WWP2: variants seen among roughly 807,000 people sequenced by gnomAD.
The protein encoded by WWP2 is NEDD4-like E3 ubiquitin-protein ligase WWP2.
WWP2 carries 57 observed loss-of-function variants against 121.0 expected under a neutral mutation model. The observed-to-expected ratio is 0.47, with a 90% CI of 0.38 to 0.59. The LOEUF (loss-of-function observed/expected upper bound fraction) is 0.59, where lower values mean the gene tolerates loss of function less well. WWP2 is among the 20% of genes least tolerant of loss of function. The pLI, the probability that WWP2 is intolerant of heterozygous loss-of-function variation, is 0.00. For synonymous variants in WWP2, 449 were observed against 441.3 expected (o/e 1.02, Z -0.22); for missense variants, 962 against 1,158.9 (o/e 0.83, Z 2.47).
chr16:69,787,505 G>A lies in WWP2; in HGVS notation c.70+425G>A, dbSNP rs1294810382. ...CTAAGGACACTGAAGTGGGAGGATC[G>A]CTTGAGCCTGGGAGTTCAAGGCTGC... On this transcript the variant is annotated intron_variant, in intron 2 of 23. Coordinates refer to ENST00000359154, the MANE Select transcript of WWP2 (RefSeq NM_001270454.2). Among the ~76,000 whole-genome samples the A allele has an allele frequency of 5.9e-5, 9 of 152,146 alleles. No homozygotes were observed. In the South Asian group the frequency reaches 1.2e-3, roughly 21 times the overall value.
intron 4 of WWP2, among the ~76,000 whole-genome samples, chr16:69,805,549 C>G (rs888743593): frequency 6.6e-6 from 1 of 151,574 alleles, no homozygotes; most frequent in East Asian, 1.9e-4. Flanking sequence ...TTTTTGGCAC[C>G]TTTCTGACTG....
At chr16:69,917,291 G>A (rs1382511785) in intron 9 of WWP2, among the ~76,000 whole-genome samples, 3 of 152,164 alleles carry the variant, frequency 2.0e-5, no homozygotes, top group African/African-American at 4.8e-5. Context: ...TATTGTCTTC[G>A]GGTCCAAAAT....
At chr16:69,816,543 T>TA (rs975021469) in intron 4 of WWP2, among the ~76,000 whole-genome samples, 2 of 150,236 alleles carry the variant, frequency 1.3e-5, no homozygotes, top group African/African-American at 4.9e-5. Context: ...AAATAAAAAG[T>TA]AAAAAAAGCA....
At chr16:69,854,572 A>G (rs2057275595) in intron 6 of WWP2, among the ~76,000 whole-genome samples, 1 of 150,896 alleles carries the variant, frequency 6.6e-6, no homozygotes, top group South Asian at 2.1e-4. Flanking sequence ...TATTTTTGAG[A>G]TGGAATCTTG....
intron 2 of WWP2, among the ~76,000 whole-genome samples, chr16:69,791,660 AG>A (rs1391717439): frequency 1.2e-4 from 19 of 152,310 alleles, no homozygotes; most frequent in African/African-American, 4.6e-4. Context: ...CTAGGACTTT[AG>A]GCATACACTA....
intron 9 of WWP2, among the ~76,000 whole-genome samples, chr16:69,916,733 A>G (rs1157092331): frequency 2.6e-5 from 4 of 152,158 alleles, no homozygotes; most frequent in South Asian, 2.1e-4. Flanking sequence ...GTGGCATTCA[A>G]TTGAATGAAG....
chr16:69,930,076 C>G, intron 12 of WWP2, 54 bp from the exon 13 acceptor site: 3 of 1,610,282 alleles, frequency 1.9e-6, no homozygotes, highest in Non-Finnish European at 1.7e-6. Flanking sequence ...CCTCCAACCA[C>G]CAAGGTCCAG....
intron 6 of WWP2, among the ~76,000 whole-genome samples, chr16:69,853,270 A>T (rs2057251804): frequency 6.6e-6 from 1 of 152,180 alleles, no homozygotes; most frequent in African/African-American, 2.4e-5. Context: ...ATGCAATAGG[A>T]GTGAGGGGTC....
At position 69,849,258 on chromosome 16, in the gene WWP2, T is replaced by C. The variant is rs1432483430; in HGVS notation, c.575+7138T>C. 2.0e-5 allele frequency among the ~76,000 whole-genome samples: 3 copies of C among 152,194 alleles called. No individual in the cohort carries two copies. In the East Asian group the frequency reaches 5.8e-4, roughly 29 times the overall value. Reference sequence around the variant, plus strand: ...GTGGAGGGTGGATAGGAGCTGAGCCTTGGGCACTAGGCCATTCTCACAGTC... The same window carrying C: ...GTGGAGGGTGGATAGGAGCTGAGCCCTGGGCACTAGGCCATTCTCACAGTC... On this transcript the variant is annotated intron_variant, in intron 6 of 23. Coordinates refer to ENST00000359154, the MANE Select transcript of WWP2 (RefSeq NM_001270454.2).
chr16:69,931,178 A>G lies in WWP2; in HGVS notation c.1472A>G (p.Tyr491Cys). 6.2e-7 allele frequency: 1 copy of G among 1,614,182 alleles called. No individual in the cohort carries two copies. The highest frequency in any genetic ancestry group is 1.3e-5 in the African/African-American group (1 of 75,044). ...SGTKQGSPGA[Y>C]DRSFRWKYHQ... ...ACGAAGCAAGGTTCCCCTGGTGCTT[A>G]TGACCGCAGTTTTCGGTGGAAGTAT... Residue 491 changes from tyrosine (Y) to cysteine (C), a missense_variant, in exon 14 of 24, where the codon TAT (tyrosine) becomes TGT (cysteine). Tyr to Cys is a radical substitution (Grantham distance 194, BLOSUM62 -2). Coordinates refer to ENST00000359154, the MANE Select transcript of WWP2 (RefSeq NM_001270454.2).
Position 69,799,419 on chromosome 16 carries a change from G to A in WWP2, c.340+124G>A. The A allele has an allele frequency of 5.1e-6, 7 of 1,365,286 alleles. No individual in the cohort carries two copies. The highest frequency in any genetic ancestry group is 6.8e-6 in the Non-Finnish European group (7 of 1,027,858). 84.6% of individuals were successfully genotyped at this position (1,365,286 alleles called of 1,614,324 possible). A position where few individuals can be genotyped will look rare whatever the true frequency, so the allele number is the denominator to read the frequency against. ...TGCAGTACCTCTGTTCTCCTTGGATGCTGTCTTTGGAGTTTTGGGAAGGCT... is the reference window on the plus strand; with the variant it reads ...TGCAGTACCTCTGTTCTCCTTGGATACTGTCTTTGGAGTTTTGGGAAGGCT... On this transcript the variant is annotated intron_variant, in intron 4 of 23. Transcript: ENST00000359154. The surrounding 1 kb of genome is among the most constrained non-coding windows in gnomAD (Gnocchi z 4.5).
chr16:69,882,311 C>T (rs1222279292), intron 7 of WWP2, among the ~76,000 whole-genome samples: 1 of 152,132 alleles, frequency 6.6e-6, no homozygotes, highest in Non-Finnish European at 1.5e-5. Context: ...GGTTTTATTT[C>T]AAATATCTTT....
intron 6 of WWP2, among the ~76,000 whole-genome samples, chr16:69,859,184 G>A (rs1356435291): frequency 2.0e-5 from 3 of 152,170 alleles, no homozygotes; most frequent in Non-Finnish European, 4.4e-5. Context: ...TCCCTTCAGG[G>A]TCTCACAAGG....
chr16:69,904,777 C>T (rs1163214818), intron 8 of WWP2, among the ~76,000 whole-genome samples: 1 of 152,170 alleles, frequency 6.6e-6, no homozygotes, highest in African/African-American at 2.4e-5. Context: ...ACCAGGGCAT[C>T]TGGGTCAAAT....
intron 4 of WWP2, chr16:69,838,888 G>A (rs1597031473): frequency 1.0e-6 from 1 of 985,046 alleles, no homozygotes; most frequent in East Asian, 1.1e-4. Flanking sequence ...AAAACCCAAA[G>A]GGTAACTGGT....
intron 1 of WWP2, among the ~76,000 whole-genome samples, chr16:69,784,734 G>T (rs1373487064): frequency 6.6e-6 from 1 of 152,112 alleles, no homozygotes; most frequent in Non-Finnish European, 1.5e-5. Flanking sequence ...TTGGGAAAAA[G>T]CACGGTTGTT....
chr16:69,845,299 C>T (rs181810692), intron 6 of WWP2, among the ~76,000 whole-genome samples: 14 of 152,184 alleles, frequency 9.2e-5, no homozygotes, highest in African/African-American at 3.4e-4. Context: ...TGCCTACCCC[C>T]CTTCCCTGCT....
chr16:69,829,957 ATT>A (rs11462005), intron 4 of WWP2, among the ~76,000 whole-genome samples: 1 of 144,892 alleles, frequency 6.9e-6, no homozygotes, highest in Admixed American at 6.9e-5. Context: ...CGCCCAGCTA[ATT>A]TTTTTTTTTT....
chr16:69,877,512 A>C (rs2057754562), intron 7 of WWP2, among the ~76,000 whole-genome samples: 1 of 152,176 alleles, frequency 6.6e-6, no homozygotes, highest in African/African-American at 2.4e-5. Flanking sequence ...TTATCACTCA[A>C]GTGTTCATCA....
Sources: allele counts gnomAD v4.1 joint callset (sites outside exome capture counted in the v4.1 genomes callset), GRCh38; gene constraint gnomAD v4.1.1; non-coding constraint Gnocchi (gnomAD v3.1); transcripts MANE v1.5; gene names NCBI Gene and HGNC (gene_info 2026-07-23, HGNC 2026-07-21).